Variants in CTNNA3 observed in about 807,000 individuals in gnomAD.
CTNNA3 encodes the protein catenin alpha 3, also known as catenin alpha-3.
A neutral mutation model predicts 95.7 loss-of-function variants in CTNNA3; 76 were observed. The ratio of observed to expected loss-of-function variants is 0.79; its 90% CI spans 0.66 to 0.96. The LOEUF is 0.96. CTNNA3 is among the 40% of genes least tolerant of loss of function. CTNNA3 has a pLI of 0.00. For synonymous variants in CTNNA3, 431 were observed against 374.4 expected, an observed-to-expected ratio of 1.15 and a Z score of -1.74; for missense variants, 1,191 against 1,089.8, an observed-to-expected ratio of 1.09 and a Z score of -1.31.
intron 12 of CTNNA3, among the ~76,000 whole-genome samples, chr10:66,288,641 G>A (rs974346354): frequency 2.6e-5 from 4 of 152,060 alleles, no homozygotes; most frequent in African/African-American, 7.2e-5. Flanking sequence ...TACCATATTA[G>A]ATAGTGTAGA....
chr10:66,210,140 C>T (rs2088044269), intron 13 of CTNNA3, among the ~76,000 whole-genome samples: 1 of 151,640 alleles, frequency 6.6e-6, no homozygotes, highest in Non-Finnish European at 1.5e-5. Flanking sequence ...ATTGCACAAA[C>T]CAGCTGGAGT....
chr10:67,366,608 T>C (rs538647662), intron 5 of CTNNA3, among the ~76,000 whole-genome samples: 5 of 151,556 alleles, frequency 3.3e-5, no homozygotes, highest in Admixed American at 3.3e-4. Flanking sequence ...GCCACTGCAC[T>C]CCAGCCTGGG....
chr10:66,540,671 T>C (rs78362780), intron 10 of CTNNA3, among the ~76,000 whole-genome samples: 25 of 98,576 alleles, frequency 2.5e-4, no homozygotes, highest in Admixed American at 2.4e-3. Context: ...CTCCCTTTCT[T>C]CCTTTCTTCC....
At position 66,276,533 on chromosome 10, in the gene CTNNA3, A is replaced by G. The variant is rs117934764; in HGVS notation, c.1884+3937T>C. On this transcript the variant is annotated intron_variant, in intron 13 of 17. Transcript: ENST00000433211. ...GTCTATAAAAATTATGTGCAGAATT[A>G]TAATACTACCTTAAATTAATATAGG... is the stretch of plus-strand genomic sequence containing the variant. 1.5e-3 allele frequency among the ~76,000 whole-genome samples: 224 copies of G among 152,280 alleles called. 4 individuals are homozygous for G. In the East Asian group the frequency reaches 0.036, roughly 25 times the overall value.
At chr10:66,771,915 G>A (rs1011414775) in intron 8 of CTNNA3, among the ~76,000 whole-genome samples, 2 of 152,042 alleles carry the variant, frequency 1.3e-5, no homozygotes, top group African/African-American at 2.4e-5. Context: ...GAAGAAAAAG[G>A]TCCATTCCAG....
At chr10:67,377,407 T>C (rs1843734382) in intron 5 of CTNNA3, among the ~76,000 whole-genome samples, 1 of 152,190 alleles carries the variant, frequency 6.6e-6, no homozygotes, top group African/African-American at 2.4e-5. Flanking sequence ...CAGTTTAGCA[T>C]TTCCTTCTCT....
At chr10:67,311,853 A>G (rs1052180204) in intron 5 of CTNNA3, among the ~76,000 whole-genome samples, 4 of 151,896 alleles carry the variant, frequency 2.6e-5, no homozygotes, top group East Asian at 1.9e-4. Flanking sequence ...AAAGCCTCCC[A>G]TTTTTTCAAT....
chr10:66,583,599 T>G (rs1406784731), intron 10 of CTNNA3, among the ~76,000 whole-genome samples: 1 of 151,672 alleles, frequency 6.6e-6, no homozygotes, highest in Non-Finnish European at 1.5e-5. Flanking sequence ...ATCTACCTAG[T>G]GTTCTAACAA....
intron 13 of CTNNA3, among the ~76,000 whole-genome samples, chr10:66,233,504 G>A (rs1344389845): frequency 6.6e-6 from 1 of 152,114 alleles, no homozygotes; most frequent in Admixed American, 6.5e-5. Context: ...TTATTTATGA[G>A]TGTCTTAAAT....
chr10:66,771,607 T>C (rs1840089544), intron 8 of CTNNA3, among the ~76,000 whole-genome samples: 2 of 152,314 alleles, frequency 1.3e-5, no homozygotes, highest in African/African-American at 4.8e-5. Flanking sequence ...TGGGGTTGGA[T>C]GGACCTGGGC....
intron 5 of CTNNA3, among the ~76,000 whole-genome samples, chr10:67,470,594 T>A (rs557174874): frequency 1.3e-5 from 2 of 152,162 alleles, no homozygotes; most frequent in Admixed American, 1.3e-4. Context: ...AGACAAGTGA[T>A]GTTTCCTTAT....
chr10:67,075,707 A>G (rs1195015016), intron 7 of CTNNA3, among the ~76,000 whole-genome samples: 4 of 152,248 alleles, frequency 2.6e-5, no homozygotes, highest in Non-Finnish European at 5.9e-5. Context: ...TGCATTGAAT[A>G]TGAACTGAAC....
At chr10:66,931,820 C>T (rs970785642) in intron 7 of CTNNA3, among the ~76,000 whole-genome samples, 1 of 152,052 alleles carries the variant, frequency 6.6e-6, no homozygotes, top group Non-Finnish European at 1.5e-5. Flanking sequence ...CGAGTAATAA[C>T]GCAATAAGAA....
intron 15 of CTNNA3, among the ~76,000 whole-genome samples, chr10:66,058,702 C>G (rs1313062137): frequency 6.6e-6 from 1 of 152,062 alleles, no homozygotes; most frequent in Non-Finnish European, 1.5e-5. Context: ...TTAAAATGGA[C>G]AGAGTAAGAA....
intron 5 of CTNNA3, among the ~76,000 whole-genome samples, chr10:67,392,005 C>G (rs1844513276): frequency 6.6e-6 from 1 of 151,810 alleles, no homozygotes; most frequent in South Asian, 2.1e-4. Flanking sequence ...GCAAGGACTT[C>G]ATGTCTAAAA....
At chr10:66,652,166 A>G (rs1845933458) in intron 9 of CTNNA3, among the ~76,000 whole-genome samples, 1 of 151,872 alleles carries the variant, frequency 6.6e-6, no homozygotes, top group South Asian at 2.1e-4. Context: ...AAATCAGAGC[A>G]GAAATAAATG....
intron 7 of CTNNA3, among the ~76,000 whole-genome samples, chr10:66,899,669 T>A (rs1036944732): frequency 2.0e-5 from 3 of 151,994 alleles, no homozygotes; most frequent in Non-Finnish European, 4.4e-5. Flanking sequence ...TTTTCAATGG[T>A]CTTAGCAACC....
intron 2 of CTNNA3, among the ~76,000 whole-genome samples, chr10:67,627,418 AGATAAAATT>A: frequency 6.6e-6 from 1 of 152,344 alleles, no homozygotes; most frequent in East Asian, 1.9e-4. Context: ...GCCTTAGTTA[AGATAAAATT>A]AGCTGATGCT....
At chr10:66,056,256 A>T (rs2080085013) in intron 15 of CTNNA3, among the ~76,000 whole-genome samples, 2 of 152,146 alleles carry the variant, frequency 1.3e-5, no homozygotes, top group Non-Finnish European at 2.9e-5. Flanking sequence ...GTTGAATGTT[A>T]TCAGATTTTT....
Sources: gnomAD v4.1 joint callset for allele counts (sites outside exome capture counted in the v4.1 genomes callset) on GRCh38, gnomAD v4.1.1 for gene constraint, MANE v1.5 for transcripts, NCBI Gene and HGNC (gene_info 2026-07-23, HGNC 2026-07-21) for gene names.